Variants in PRIMA1 observed in about 807,000 individuals in gnomAD.
PRIMA1 encodes the protein proline-rich membrane anchor 1.
PRIMA1 carries 7 observed loss-of-function variants against 17.5 expected under a neutral mutation model. The observed-to-expected ratio is 0.40, with a 90% CI of 0.23 to 0.75. PRIMA1 has a LOEUF of 0.75. Among genes scored for constraint, PRIMA1 ranks in the 30% least tolerant of loss-of-function variants. PRIMA1 has a pLI of 0.37. For synonymous variants in PRIMA1, 97 were observed against 77.9 expected (o/e 1.25, Z -1.29); for missense variants, 200 against 201.8 (o/e 0.99, Z 0.05).
chr14:93,768,350 T>G (rs1377301660), intron 3 of PRIMA1, among the ~76,000 whole-genome samples: 1 of 152,186 alleles, frequency 6.6e-6, no homozygotes, highest in Admixed American at 6.5e-5. Flanking sequence ...CCCAGTCTTT[T>G]GGGTCTAAGT....
At chr14:93,735,935 C>T (rs1056464527) in intron 4 of PRIMA1, among the ~76,000 whole-genome samples, 17 of 152,164 alleles carry the variant, frequency 1.1e-4, no homozygotes, top group African/African-American at 4.1e-4. Context: ...GTGATCCACC[C>T]GCCTCCACCT....
intron 3 of PRIMA1, among the ~76,000 whole-genome samples, chr14:93,743,325 A>C (rs1170166207): frequency 6.6e-6 from 1 of 152,156 alleles, no homozygotes; most frequent in African/African-American, 2.4e-5. Flanking sequence ...TAACTTTCCA[A>C]GTCTTTGGGG....
chr14:93,747,401 CAAAG>C (rs1381981946), intron 3 of PRIMA1, among the ~76,000 whole-genome samples: 1 of 152,026 alleles, frequency 6.6e-6, no homozygotes, highest in Non-Finnish European at 1.5e-5. Flanking sequence ...TTCGGGGAGT[CAAAG>C]AGAGAATGAG....
chr14:93,738,093 G>T (rs144745888), intron 3 of PRIMA1, among the ~76,000 whole-genome samples: 38 of 152,312 alleles, frequency 2.5e-4, no homozygotes, highest in African/African-American at 8.7e-4. Context: ...GGTATTTGCC[G>T]CTGTCTCAGT....
At chr14:93,753,201 T>C (rs1275461958) in intron 3 of PRIMA1, among the ~76,000 whole-genome samples, 1 of 152,234 alleles carries the variant, frequency 6.6e-6, no homozygotes, top group East Asian at 1.9e-4. Context: ...GGAGTTAAAC[T>C]GGATGGCCTT....
chr14:93,788,189 C>T (rs908515128), intron 1 of PRIMA1, among the ~76,000 whole-genome samples: 1 of 152,232 alleles, frequency 6.6e-6, no homozygotes, highest in Non-Finnish European at 1.5e-5. Context: ...CACCCACCGA[C>T]TCCTGCCTGC....
intron 1 of PRIMA1, 60 bp from the exon 2 acceptor site, chr14:93,787,809 C>T: frequency 2.0e-6 from 3 of 1,490,606 alleles, no homozygotes; most frequent in Non-Finnish European, 2.7e-6. Context: ...CGCCGCCGCG[C>T]ACCAATATAC....
At chr14:93,753,634 A>T (rs867774083) in intron 3 of PRIMA1, among the ~76,000 whole-genome samples, 13 of 152,318 alleles carry the variant, frequency 8.5e-5, no homozygotes, top group Middle Eastern at 6.8e-3. Context: ...CCCAGCTAGC[A>T]GAACCTCGCC....
rs190462344 is a variant in PRIMA1 at position 93,764,514 on chromosome 14, T to C, written c.229+14662A>G. On this transcript the variant is annotated intron_variant, in intron 3 of 4. Transcript: ENST00000393140. Reference sequence around the variant, plus strand: ...CTAATCTTCCCCCGTGAACTCTCCCTGCGGGTTCACCATGTCTTCTCCACT... The same window carrying C: ...CTAATCTTCCCCCGTGAACTCTCCCCGCGGGTTCACCATGTCTTCTCCACT... Among the ~76,000 whole-genome samples, 651 of 152,094 alleles carry C rather than the reference T, an allele frequency of 4.3e-3. 1 individual carries two copies. Among genetic ancestry groups the C allele is most frequent in the African/African-American group, 0.015 (613 of 41,494 alleles).
intron 3 of PRIMA1, among the ~76,000 whole-genome samples, chr14:93,740,070 A>AAT (rs1304164191): frequency 2.0e-5 from 3 of 151,634 alleles, no homozygotes; most frequent in African/African-American, 7.3e-5. Context: ...AGCTAAAAAA[A>AAT]AAATCAATAA....
intron 3 of PRIMA1, among the ~76,000 whole-genome samples, chr14:93,749,873 A>G (rs1212871634): frequency 6.6e-6 from 1 of 152,018 alleles, no homozygotes; most frequent in Non-Finnish European, 1.5e-5. Context: ...CAAGACAGAA[A>G]GTTAAAAAAT....
intron 3 of PRIMA1, among the ~76,000 whole-genome samples, chr14:93,750,672 T>C (rs889015314): frequency 6.6e-6 from 1 of 152,180 alleles, no homozygotes; most frequent in African/African-American, 2.4e-5. Context: ...ACAGAAAGTT[T>C]TTTTACCCCT....
At chr14:93,739,331 C>A (rs931847965) in intron 3 of PRIMA1, among the ~76,000 whole-genome samples, 1 of 152,214 alleles carries the variant, frequency 6.6e-6, no homozygotes, top group Non-Finnish European at 1.5e-5. Flanking sequence ...GGATTACAGG[C>A]ATGAGCCACT....
intron 4 of PRIMA1, 143 bp from the exon 5 acceptor site, chr14:93,721,689 G>A (rs1484978565): frequency 1.4e-5 from 9 of 632,660 alleles, no homozygotes; most frequent in Middle Eastern, 2.6e-4. Flanking sequence ...CTCTGTCCTC[G>A]GTTAGCATCC....
intron 3 of PRIMA1, among the ~76,000 whole-genome samples, chr14:93,747,774 G>C (rs1440281384): frequency 7.4e-6 from 1 of 135,052 alleles, no homozygotes; most frequent in East Asian, 2.0e-4. Context: ...GTGGGAGAGT[G>C]TGTGTATGAG....
At chr14:93,751,170 CCTT>C (rs2076257237) in intron 3 of PRIMA1, among the ~76,000 whole-genome samples, 1 of 152,182 alleles carries the variant, frequency 6.6e-6, no homozygotes, top group African/African-American at 2.4e-5. Context: ...CACCTGCAGC[CCTT>C]CTTCAGGGTC....
At chr14:93,756,692 G>C (rs1270544088) in intron 3 of PRIMA1, among the ~76,000 whole-genome samples, 1 of 152,116 alleles carries the variant, frequency 6.6e-6, no homozygotes, top group Non-Finnish European at 1.5e-5. Flanking sequence ...GCGACTCAGT[G>C]TCTCCACTGG....
intron 3 of PRIMA1, among the ~76,000 whole-genome samples, chr14:93,739,227 T>A (rs1476521752): frequency 6.6e-6 from 1 of 152,080 alleles, no homozygotes; most frequent in Non-Finnish European, 1.5e-5. Flanking sequence ...TAATTTTGTA[T>A]TTTTAGTAGA....
Position 93,787,629 on chromosome 14 carries a change from C to A in PRIMA1, c.90G>T (p.Val30=), listed in dbSNP as rs931868551. The A allele has an allele frequency of 2.6e-6, 4 of 1,541,332 alleles. No individual in the cohort carries two copies. In the African/African-American group the frequency reaches 4.1e-5, roughly 16 times the overall value. Reference sequence around the variant, plus strand: ...GTGCGCAGCCGGCGCGTCTCACCTGCACGAAGCCCCAGAGCGGGTGGAGCG... The same window carrying A: ...GTGCGCAGCCGGCGCGTCTCACCTGAACGAAGCCCCAGAGCGGGTGGAGCG... ...HCALHPLWGF[V]QVTHGEPQKS... The change falls in exon 2 of 5, where the codon GTG becomes GTT. Residue 30 remains valine (V), a synonymous_variant. Transcript: ENST00000393140.
Sources: gnomAD v4.1 joint callset for allele counts (sites outside exome capture counted in the v4.1 genomes callset) on GRCh38, gnomAD v4.1.1 for gene constraint, MANE v1.5 for transcripts, NCBI Gene and HGNC (gene_info 2026-07-23, HGNC 2026-07-21) for gene names.